The following RAD51B variants were observed in gnomAD, a reference collection of about 807,000 sequenced individuals.
RAD51B encodes the protein RAD51 paralog B, also known as DNA repair protein RAD51 homolog 2.
In RAD51B, 38 loss-of-function variants were observed where a neutral mutation model predicts 42.2. That is an observed-to-expected ratio of 0.90 (90% CI 0.70 to 1.18). RAD51B has a LOEUF of 1.18. Ranked by LOEUF, RAD51B falls within the 50% of genes most tolerant of loss-of-function variation. The pLI is 0.00. For missense variants in RAD51B, 373 were observed against 400.7 expected, an observed-to-expected ratio of 0.93 and a Z score of 0.59; for synonymous variants, 154 against 145.2, an observed-to-expected ratio of 1.06 and a Z score of -0.43.
chr14:68,374,797 C>T (rs539405183), intron 8 of RAD51B, among the ~76,000 whole-genome samples: 1 of 150,064 alleles, frequency 6.7e-6, no homozygotes, highest in Non-Finnish European at 1.5e-5. Flanking sequence ...TTTTAGGTAA[C>T]TTTGGTATGC....
intron 7 of RAD51B, among the ~76,000 whole-genome samples, chr14:68,098,779 G>T (rs2077239950): frequency 6.6e-6 from 1 of 152,172 alleles, no homozygotes; most frequent in African/African-American, 2.4e-5. Flanking sequence ...GTGTTAGGAA[G>T]AAAATAAAGA....
intron 9 of RAD51B, among the ~76,000 whole-genome samples, chr14:68,419,333 C>T (rs1424759411): frequency 1.3e-5 from 2 of 151,992 alleles, no homozygotes; most frequent in African/African-American, 4.8e-5. Flanking sequence ...GCAAAAAAGT[C>T]CCCAAACCCA....
intron 7 of RAD51B, among the ~76,000 whole-genome samples, chr14:68,080,899 T>A (rs1435743008): frequency 6.6e-6 from 1 of 152,184 alleles, no homozygotes; most frequent in Non-Finnish European, 1.5e-5. Flanking sequence ...CTTGGGACTC[T>A]GAAACAAACC....
rs112004482 is a variant in RAD51B at position 68,256,623 on chromosome 14, A to T, written c.757-35261A>T. Among the ~76,000 whole-genome samples, 1,395 of 152,078 alleles carry T rather than the reference A, an allele frequency of 9.2e-3. 26 individuals are homozygous for T. The highest frequency in any genetic ancestry group is 0.032 in the African/African-American group (1,320 of 41,466). ...CGTGACATCCTAATATTTTCTCTCAAACTGTTTTCTTTCGTCCTGTGTAAA... is the reference window on the plus strand; with the variant it reads ...CGTGACATCCTAATATTTTCTCTCATACTGTTTTCTTTCGTCCTGTGTAAA... On this transcript the variant is annotated intron_variant, in intron 7 of 10. Coordinates refer to ENST00000471583, the MANE Select transcript of RAD51B (RefSeq NM_133510.4).
At chr14:68,590,606 T>C (rs1890696947) in intron 10 of RAD51B, among the ~76,000 whole-genome samples, 1 of 152,160 alleles carries the variant, frequency 6.6e-6, no homozygotes, top group African/African-American at 2.4e-5. Flanking sequence ...GGAACTGAAC[T>C]TCTCACTGCA....
At chr14:68,066,654 G>T (rs1053673073) in intron 7 of RAD51B, among the ~76,000 whole-genome samples, 1 of 152,174 alleles carries the variant, frequency 6.6e-6, no homozygotes. Flanking sequence ...GGGCATGCTG[G>T]TATACACCTA....
intron 10 of RAD51B, among the ~76,000 whole-genome samples, chr14:68,490,683 G>T (rs1472431817): frequency 6.6e-6 from 1 of 152,150 alleles, no homozygotes; most frequent in Non-Finnish European, 1.5e-5. Context: ...CTCAATTGGG[G>T]CAAATCATCA....
chr14:68,179,102 C>T (rs1372931795), intron 7 of RAD51B, among the ~76,000 whole-genome samples: 1 of 152,114 alleles, frequency 6.6e-6, no homozygotes, highest in East Asian at 1.9e-4. Flanking sequence ...ACCCTTTCTT[C>T]CTTCATTAAT....
At chr14:68,535,802 T>C (rs2842336) in intron 10 of RAD51B, among the ~76,000 whole-genome samples, 140,266 of 152,204 alleles carry the variant, frequency 0.92, 65,505 homozygotes, top group Non-Finnish European at 0.99. Context: ...CTCTCCTAAC[T>C]CTCAGTGAGA....
chr14:67,820,102 G>T (rs1486179794), intron 1 of RAD51B, among the ~76,000 whole-genome samples: 1 of 152,126 alleles, frequency 6.6e-6, no homozygotes, highest in East Asian at 1.9e-4. Flanking sequence ...CTTTTTAGGG[G>T]ATTCTGGGTG....
Position 68,646,560 on chromosome 14 carries a change from G to A in RAD51B, c.1037-4221G>A, listed in dbSNP as rs563826156. Among the ~76,000 whole-genome samples, 39 of 152,258 alleles carry A rather than the reference G, an allele frequency of 2.6e-4. No homozygotes were observed. The East Asian group carries it at 7.1e-3, about 28-fold the overall frequency. Reference sequence around the variant, plus strand: ...GCTTATATTATTTGCCAAAGTAAAGGCATTTGATCGTCTTATGTGTTCTAA... The same window carrying A: ...GCTTATATTATTTGCCAAAGTAAAGACATTTGATCGTCTTATGTGTTCTAA... On this transcript the variant is annotated intron_variant, in intron 10 of 11. Transcript: ENST00000488612.
At chr14:67,950,813 A>G (rs1370830002) in intron 7 of RAD51B, among the ~76,000 whole-genome samples, 2 of 151,224 alleles carry the variant, frequency 1.3e-5, no homozygotes, top group Non-Finnish European at 1.5e-5. Context: ...TTTTTTTTCC[A>G]TTTTTTTGTC....
intron 7 of RAD51B, among the ~76,000 whole-genome samples, chr14:68,194,723 A>G (rs2079335277): frequency 6.6e-6 from 1 of 152,232 alleles, no homozygotes; most frequent in Non-Finnish European, 1.5e-5. Context: ...AGTGAGAATG[A>G]GATATGACAG....
chr14:68,209,772 G>T (rs1407334913), intron 7 of RAD51B, among the ~76,000 whole-genome samples: 2 of 152,104 alleles, frequency 1.3e-5, no homozygotes, highest in Non-Finnish European at 2.9e-5. Flanking sequence ...ATTGCACTGA[G>T]AAATTTTAGT....
chr14:68,622,271 GC>G, intron 10 of RAD51B, among the ~76,000 whole-genome samples: 1 of 152,294 alleles, frequency 6.6e-6, no homozygotes, highest in Non-Finnish European at 1.5e-5. Context: ...TGGAGGAGGA[GC>G]CATTCTGACT....
chr14:68,394,417 C>T (rs2083852912), intron 8 of RAD51B, among the ~76,000 whole-genome samples: 1 of 152,206 alleles, frequency 6.6e-6, no homozygotes, highest in Non-Finnish European at 1.5e-5. Flanking sequence ...GGGAGGCCCA[C>T]CTTGAATCCT....
At chr14:68,073,748 C>A (rs1207542099) in intron 7 of RAD51B, among the ~76,000 whole-genome samples, 1 of 152,150 alleles carries the variant, frequency 6.6e-6, no homozygotes, top group Admixed American at 6.5e-5. Flanking sequence ...ATTATCTTAG[C>A]ATTTGCTTGC....
At chr14:68,143,564 ACT>A (rs1442060970) in intron 7 of RAD51B, among the ~76,000 whole-genome samples, 2 of 152,206 alleles carry the variant, frequency 1.3e-5, no homozygotes, top group Non-Finnish European at 2.9e-5. Context: ...CAAGGCCAGA[ACT>A]TTGGCTAGCT....
chr14:68,086,462 G>A (rs1031130312), intron 7 of RAD51B, among the ~76,000 whole-genome samples: 5 of 152,164 alleles, frequency 3.3e-5, no homozygotes, highest in African/African-American at 1.2e-4. Context: ...CAAGGCAGAA[G>A]TGCCTATACT....
Sources: allele counts gnomAD v4.1 joint callset (sites outside exome capture counted in the v4.1 genomes callset), GRCh38; gene constraint gnomAD v4.1.1; transcripts MANE v1.5; gene names NCBI Gene and HGNC (gene_info 2026-07-23, HGNC 2026-07-21).